Variants in EXOC4 observed in about 807,000 individuals in gnomAD.
EXOC4 encodes exocyst complex component 4.
In EXOC4, 71 loss-of-function variants were observed where a neutral mutation model predicts 107.2. That is an observed-to-expected ratio of 0.66 (90% CI 0.55 to 0.81). EXOC4 has a LOEUF of 0.81. EXOC4 is among the 30% of genes least tolerant of loss of function. The pLI is 0.00. For missense variants in EXOC4, 1,108 were observed against 1,189.6 expected (o/e 0.93, Z 1.01); for synonymous variants, 456 against 441.2 (o/e 1.03, Z -0.42).
intron 17 of EXOC4, among the ~76,000 whole-genome samples, chr7:134,020,408 T>C (rs1795002070): frequency 1.3e-5 from 2 of 152,170 alleles, no homozygotes; most frequent in African/African-American, 2.4e-5. Context: ...CAACCTCATG[T>C]TTCTCCTTTA....
intron 13 of EXOC4, among the ~76,000 whole-genome samples, chr7:133,934,517 T>C (rs1315567366): frequency 6.6e-6 from 1 of 152,188 alleles, no homozygotes; most frequent in Non-Finnish European, 1.5e-5. Flanking sequence ...GGGATAGGCA[T>C]CAAGCGCTGG....
At chr7:133,662,046 G>A (rs1026641230) in intron 10 of EXOC4, among the ~76,000 whole-genome samples, 20 of 152,070 alleles carry the variant, frequency 1.3e-4, no homozygotes, top group African/African-American at 1.7e-4. Context: ...CTCCACGAAG[G>A]TAGTATTAAA....
intron 9 of EXOC4, among the ~76,000 whole-genome samples, chr7:133,523,657 T>G (rs985806405): frequency 4.6e-5 from 7 of 151,892 alleles, no homozygotes; most frequent in African/African-American, 1.7e-4. Flanking sequence ...GTGATCTCAT[T>G]GTTCAGTTCC....
At chr7:133,471,371 C>T (rs573732130) in intron 7 of EXOC4, among the ~76,000 whole-genome samples, 88 of 150,556 alleles carry the variant, frequency 5.8e-4, no homozygotes, top group South Asian at 1.5e-3. Flanking sequence ...AAGATCGTGC[C>T]ATTGCACTCC....
At chr7:133,447,307 G>C (rs1392452714) in intron 7 of EXOC4, 1 of 152,044 alleles carries the variant, frequency 6.6e-6, no homozygotes, top group African/African-American at 2.4e-5. Flanking sequence ...AGGATATATA[G>C]ATCTTCTTAC....
chr7:133,743,662 C>CG (rs984467321), intron 10 of EXOC4, among the ~76,000 whole-genome samples: 1 of 152,072 alleles, frequency 6.6e-6, no homozygotes, highest in African/African-American at 2.4e-5. Context: ...AAAACCCCCC[C>CG]ATGGTTGCCA....
chr7:133,253,489 T>C (rs936899536), intron 1 of EXOC4: 2 of 1,121,166 alleles, frequency 1.8e-6, no homozygotes, highest in Non-Finnish European at 2.2e-6. Flanking sequence ...AAACCAGGTG[T>C]AAAGGTGTGT....
At chr7:134,042,599 T>C (rs1177278244) in intron 17 of EXOC4, among the ~76,000 whole-genome samples, 1 of 152,198 alleles carries the variant, frequency 6.6e-6, no homozygotes, top group East Asian at 1.9e-4. Context: ...GTCAAGAGCC[T>C]GTGTGGTGTA....
At chr7:133,442,246 A>G (rs1798121646) in intron 7 of EXOC4, among the ~76,000 whole-genome samples, 1 of 152,218 alleles carries the variant, frequency 6.6e-6, no homozygotes, top group African/African-American at 2.4e-5. Flanking sequence ...AAGTCAAATT[A>G]AAAAGACCCT....
intron 7 of EXOC4, among the ~76,000 whole-genome samples, chr7:133,423,829 C>A (rs950176874): frequency 6.6e-6 from 1 of 152,110 alleles, no homozygotes; most frequent in African/African-American, 2.4e-5. Flanking sequence ...CTCGGAGGGC[C>A]CGCACTTGGC....
intron 11 of EXOC4, among the ~76,000 whole-genome samples, chr7:133,855,099 A>T (rs10230953): frequency 8.8e-5 from 8 of 91,064 alleles, no homozygotes; most frequent in African/African-American, 3.4e-4. Context: ...ATAAATATAT[A>T]TATAAATATA....
In EXOC4 at chr7:133,654,120, G is replaced by A. The variant is rs568638002; in HGVS notation, c.1514+23979G>A. Among the ~76,000 whole-genome samples the A allele has an allele frequency of 1.1e-3, 166 of 152,272 alleles. 1 individual carries two copies. Among genetic ancestry groups the A allele is most frequent in the African/African-American group, 3.7e-3 (155 of 41,548 alleles). On this transcript the variant is annotated intron_variant, in intron 10 of 17. Transcript: ENST00000253861. Reference sequence around the variant, plus strand: ...GCACTGGGTGGTCTCTGTCATTACAGCACCGGTTCTATGCATGTGTGAATA... The same window carrying A: ...GCACTGGGTGGTCTCTGTCATTACAACACCGGTTCTATGCATGTGTGAATA...
intron 10 of EXOC4, among the ~76,000 whole-genome samples, chr7:133,815,723 C>T (rs1190807677): frequency 6.6e-6 from 1 of 152,066 alleles, no homozygotes; most frequent in Non-Finnish European, 1.5e-5. Flanking sequence ...CCTCTGGCTT[C>T]TCATCTCTCT....
At chr7:133,666,867 T>C (rs1352391757) in intron 10 of EXOC4, among the ~76,000 whole-genome samples, 4 of 152,268 alleles carry the variant, frequency 2.6e-5, no homozygotes, top group Middle Eastern at 3.4e-3. Flanking sequence ...CCCAGATAAG[T>C]ATCATCTCTC....
chr7:133,340,739 T>A (rs1486084931), intron 5 of EXOC4, among the ~76,000 whole-genome samples: 1 of 152,050 alleles, frequency 6.6e-6, no homozygotes, highest in African/African-American at 2.4e-5. Context: ...TTCATTTCTT[T>A]CTGGTTTAAT....
intron 7 of EXOC4, among the ~76,000 whole-genome samples, chr7:133,420,679 C>G (rs1797584215): frequency 6.6e-6 from 1 of 152,088 alleles, no homozygotes; most frequent in Non-Finnish European, 1.5e-5. Flanking sequence ...GGATCAGAAT[C>G]TACATTTCAG....
the EXOC4 span, among the ~76,000 whole-genome samples, chr7:134,096,653 C>A: frequency 6.6e-6 from 1 of 152,086 alleles, no homozygotes; most frequent in Non-Finnish European, 1.5e-5. Flanking sequence ...TGGTTAAGTC[C>A]AAGAGTCCAA....
intron 5 of EXOC4, among the ~76,000 whole-genome samples, chr7:133,347,004 T>C (rs1795797923): frequency 6.6e-6 from 1 of 152,188 alleles, no homozygotes; most frequent in Non-Finnish European, 1.5e-5. Flanking sequence ...ATGGCATATA[T>C]TACTGATCTT....
intron 7 of EXOC4, among the ~76,000 whole-genome samples, chr7:133,378,074 C>T (rs543006956): frequency 2.2e-4 from 33 of 152,036 alleles, no homozygotes; most frequent in Admixed American, 5.9e-4. Context: ...ACTTTGGGAA[C>T]CCGAGGCGGG....
Sources: allele counts gnomAD v4.1 joint callset (sites outside exome capture counted in the v4.1 genomes callset), GRCh38; gene constraint gnomAD v4.1.1; transcripts MANE v1.5; gene names NCBI Gene and HGNC (gene_info 2026-07-23, HGNC 2026-07-21).